Variants in DHX38 observed in about 807,000 individuals in gnomAD.
DHX38 encodes the protein pre-mRNA-splicing factor ATP-dependent RNA helicase PRP16.
DHX38 carries 100 observed loss-of-function variants against 153.1 expected under a neutral mutation model. The observed-to-expected ratio is 0.65, with a 90% CI of 0.56 to 0.77. DHX38 has a LOEUF of 0.77. Among genes scored for constraint, DHX38 ranks in the 30% least tolerant of loss-of-function variants. The probability of loss-of-function intolerance (pLI) is 0.00; values close to 1 mark genes in which losing one functional copy is unlikely to be tolerated. For missense variants in DHX38, 1,440 were observed against 1,654.0 expected (o/e 0.87, Z 2.24); for synonymous variants, 650 against 631.7 (o/e 1.03, Z -0.43).
At position 72,103,962 on chromosome 16, in the gene DHX38, G is replaced by A; in HGVS notation, c.1841G>A (p.Arg614His). ...GACCTCCAGGTGGGCTATGCCATCC[G>A]CTTTGAAGACTGCACTTCAGAGAAC... ...NLGEEVGYAI[R>H]FEDCTSENTL... Residue 614 changes from arginine to histidine, a missense_variant, in exon 14 of 27, where the codon CGC becomes CAC. This residue lies in a region of DHX38 where 21 missense variants were observed against 46.7 expected (regional missense o/e 0.45). Coordinates refer to ENST00000268482, the MANE Select transcript of DHX38 (RefSeq NM_014003.4). 1 of 1,614,112 alleles carries A rather than the reference G, an allele frequency of 6.2e-7. No individual in the cohort carries two copies. The highest frequency in any genetic ancestry group is 8.5e-7 in the Non-Finnish European group (1 of 1,179,998).
Position 72,099,779 on chromosome 16 carries a change from C to G in DHX38, c.1008C>G (p.Phe336Leu), listed in dbSNP as rs1170401397. 7 of 1,614,052 alleles carry G rather than the reference C, an allele frequency of 4.3e-6. No homozygotes were observed. Among genetic ancestry groups the G allele is most frequent in the Admixed American group, 1.7e-5 (1 of 60,002 alleles). Residue 336 changes from phenylalanine to leucine, a missense_variant, in exon 8 of 27, where the codon TTC (phenylalanine) becomes TTG (leucine). Physicochemically the swap from Phe to Leu is conservative, Grantham distance 22. Coordinates refer to ENST00000268482, the MANE Select transcript of DHX38 (RefSeq NM_014003.4). The stretch of plus-strand genomic sequence containing the variant: ...TGATGGACGAGGGCTATGACGAGTT[C>G]CACAACCCGCTGGCCTACTCCTCCG... The part of the protein sequence containing the change: ...WYMMDEGYDE[F>L]HNPLAYSSED...
chr16:72,111,882 T>A (rs893703158), intron 26 of DHX38, among the ~76,000 whole-genome samples: 1 of 152,198 alleles, frequency 6.6e-6, no homozygotes, highest in Non-Finnish European at 1.5e-5. Context: ...GAGGTGAGGC[T>A]GATAGCACGT....
intron 3 of DHX38, 165 bp downstream of exon 3, chr16:72,097,174 A>T (rs2042033190): frequency 1.5e-5 from 10 of 671,812 alleles, no homozygotes; most frequent in Non-Finnish European, 2.4e-5. Flanking sequence ...ATACTAGTTT[A>T]AGAAAAGAGC....
intron 11 of DHX38, among the ~76,000 whole-genome samples, chr16:72,102,156 T>C (rs9932062): frequency 0.5 from 75,638 of 152,122 alleles, 20,715 homozygotes; most frequent in African/African-American, 0.74. Flanking sequence ...ATCTGTCCCT[T>C]AAGATCCTCA....
chr16:72,110,841 G>C (rs1353144899), intron 25 of DHX38, 115 bp from the exon 26 acceptor site: 30 of 1,392,334 alleles, frequency 2.2e-5, no homozygotes, highest in Non-Finnish European at 2.9e-5. Flanking sequence ...CAGCCATGTG[G>C]AGCACTGGCC....
rs1354031965 is a variant in DHX38 at position 72,101,589 on chromosome 16, G to A, written c.1476G>A (p.Thr492=). The A allele has an allele frequency of 2.1e-5, 33 of 1,551,736 alleles. No homozygotes were observed. The highest frequency in any genetic ancestry group is 2.7e-5 in the African/African-American group (2 of 73,062). The change falls in exon 11 of 27, where the codon ACG becomes ACA. Residue 492 remains threonine, a synonymous_variant. Coordinates refer to ENST00000268482, the MANE Select transcript of DHX38 (RefSeq NM_014003.4). ...AGGAAGAGCCAGATAAAGCTGTGACGGAGGATGGGAAGGTGGACTACAGGT... is the reference window on the plus strand; with the variant it reads ...AGGAAGAGCCAGATAAAGCTGTGACAGAGGATGGGAAGGTGGACTACAGGT... ...KKEEEPDKAV[T]EDGKVDYRTE...
At chr16:72,102,702 T>C (rs765988167) in intron 11 of DHX38, among the ~76,000 whole-genome samples, 5 of 152,240 alleles carry the variant, frequency 3.3e-5, no homozygotes, top group Non-Finnish European at 5.9e-5. Context: ...TTTAGCCCTT[T>C]AGACGTTGTG....
rs1363593522 is a variant in DHX38, at chr16:72,107,765, T to C, written c.2930T>C (p.Met977Thr). 12 of 1,613,914 alleles carry C rather than the reference T, an allele frequency of 7.4e-6. No individual in the cohort carries two copies. Among genetic ancestry groups the C allele is most frequent in the Admixed American group, 1.7e-5 (1 of 59,996 alleles). ...CSSEILLIVS[M>T]LSVPAIFYRP... is the part of the protein sequence containing the mutation. ...TCCGAGATCCTGCTCATCGTTTCCA[T>C]GCTCTCGGTCCCAGCCATCTTCTAC... Residue 977 changes from methionine (M) to threonine (T), a missense_variant, in exon 21 of 27, where the codon ATG (methionine) becomes ACG (threonine). Coordinates refer to ENST00000268482, the MANE Select transcript of DHX38 (RefSeq NM_014003.4). The surrounding 1 kb of genome is among the most constrained non-coding windows in gnomAD (Gnocchi z 5.3).
At position 72,107,446 on chromosome 16, in the gene DHX38, G is replaced by T. The variant is rs896703184; in HGVS notation, c.2707G>T (p.Val903Leu). ...NVVLLLKSLGVQDLLQFHFMD... is the reference protein window; with the variant it reads ...NVVLLLKSLGLQDLLQFHFMD... ...GGTGCTGCTGCTCAAGTCCCTCGGG[G>T]TGCAGGACCTGCTGCAGTTCCACTT... Residue 903 changes from valine to leucine, a missense_variant, in exon 20 of 27, where the codon GTG (valine) becomes TTG (leucine). Around this residue, in one of 6 missense-constraint regions of DHX38, gnomAD observed 543 missense variants for 717.9 expected, o/e 0.76. Transcript: ENST00000268482. The surrounding 1 kb of genome is among the most constrained non-coding windows in gnomAD (Gnocchi z 5.3). The T allele has an allele frequency of 1.2e-6, 2 of 1,614,174 alleles. No homozygotes were observed. Among genetic ancestry groups the T allele is most frequent in the East Asian group, 2.2e-5 (1 of 44,872 alleles).
rs769608483 is a variant in DHX38, at chr16:72,105,093, C to T, written c.2218C>T (p.Pro740Ser). 5 of 1,614,188 alleles carry T rather than the reference C, an allele frequency of 3.1e-6. No homozygotes were observed. The highest frequency in any genetic ancestry group is 4.2e-6 in the Non-Finnish European group (5 of 1,180,038). The change falls in exon 16 of 27, where the codon CCT becomes TCT. Residue 740 changes from proline (P) to serine (S), a missense_variant. Coordinates refer to ENST00000268482, the MANE Select transcript of DHX38 (RefSeq NM_014003.4). ...CTTGCAGGTGCACCTGTCGGGGGCC[C>T]CTGGAGACATCCTTATCTTCATGCC... ...QSLQVHLSGAPGDILIFMPGQ... is the reference protein window; with the variant it reads ...QSLQVHLSGASGDILIFMPGQ...
intron 10 of DHX38, 96 bp downstream of exon 10, chr16:72,101,289 G>A: frequency 1.4e-6 from 2 of 1,388,474 alleles, no homozygotes; most frequent in Non-Finnish European, 2.0e-6. Context: ...TAGAAGTTAG[G>A]AGTCCCCTCT....
chr16:72,105,133 T>C lies in DHX38; in HGVS notation c.2258T>C (p.Ile753Thr), dbSNP rs760947148. The change falls in exon 16 of 27, where the codon ATT becomes ACT. Residue 753 changes from isoleucine to threonine, a missense_variant. Ile to Thr is a moderately conservative substitution (Grantham distance 89). Coordinates refer to ENST00000268482, the MANE Select transcript of DHX38 (RefSeq NM_014003.4). ...ATCTTCATGCCTGGCCAAGAGGACA[T>C]TGAGGTGCGTGCCTTGGTCACGACT... Reference protein sequence around the residue: ...ILIFMPGQEDIEVTSDQIVEH... With the variant: ...ILIFMPGQEDTEVTSDQIVEH... 9 of 1,614,012 alleles carry C rather than the reference T, an allele frequency of 5.6e-6. No homozygotes were observed. The highest frequency in any genetic ancestry group is 1.3e-5 in the African/African-American group (1 of 74,926).
chr16:72,109,670 C>G (rs2042232769), intron 25 of DHX38, 160 bp downstream of exon 25: 3 of 591,994 alleles, frequency 5.1e-6, no homozygotes, highest in South Asian at 5.5e-5. Flanking sequence ...TCCCCACCAC[C>G]CACTCCAGTT....
rs1225420901 is a variant in DHX38, at chr16:72,104,812, T to G, written c.2151+186T>G. Among the ~76,000 whole-genome samples, 1 of 152,084 alleles carries G rather than the reference T, an allele frequency of 6.6e-6. No individual in the cohort carries two copies. Among genetic ancestry groups the G allele is most frequent in the Non-Finnish European group, 1.5e-5 (1 of 68,010 alleles). On this transcript the variant is annotated intron_variant, in intron 15 of 26. Coordinates refer to ENST00000268482, the MANE Select transcript of DHX38 (RefSeq NM_014003.4). This position sits in a 1 kb window ranked among gnomAD's most constrained non-coding sequence, Gnocchi z 4.5. ...CAAAGGACTCTGCTCTGGGTGAGGT[T>G]TTGTTTCATTATTTCTTTGAGGCTG...
chr16:72,106,969 G>C (rs903893775), intron 19 of DHX38, among the ~76,000 whole-genome samples: 1 of 152,084 alleles, frequency 6.6e-6, no homozygotes, highest in Non-Finnish European at 1.5e-5. Context: ...AGGAGTTTGA[G>C]ACCACCATGG....
At chr16:72,111,842 A>C (rs1291973813) in intron 26 of DHX38, among the ~76,000 whole-genome samples, 1 of 152,150 alleles carries the variant, frequency 6.6e-6, no homozygotes, top group Non-Finnish European at 1.5e-5. Context: ...CATGTGGTAG[A>C]GCTCAGCCTC....
Position 72,096,895 on chromosome 16 carries a change from C to T in DHX38, c.397C>T (p.Arg133Trp), listed in dbSNP as rs774728184. 16 of 1,613,912 alleles carry T rather than the reference C, an allele frequency of 9.9e-6. No homozygotes were observed. The highest frequency in any genetic ancestry group is 5.0e-5 in the Admixed American group (3 of 60,002). The change falls in exon 3 of 27, where the codon CGG (arginine) becomes TGG (tryptophan). Residue 133 changes from arginine (R) to tryptophan (W), a missense_variant. This residue lies in a region of DHX38 where 483 missense variants were observed against 465.1 expected (regional missense o/e 1.04). Transcript: ENST00000268482. ...GAGCGAAGAGTTTTGGGAACGCAGT[C>T]GGCAGAGAGAGCGGGAGCGGCGGGA... ...GVSEEFWERS[R>W]QRERERREHG...
chr16:72,112,044 C>G, intron 26 of DHX38: 1 of 254,500 alleles, frequency 3.9e-6, no homozygotes, highest in South Asian at 8.0e-5. Context: ...GCAGACACTC[C>G]AGTCACTTGG....
At chr16:72,094,828 T>A (rs1159514322) in intron 1 of DHX38, among the ~76,000 whole-genome samples, 1 of 152,252 alleles carries the variant, frequency 6.6e-6, no homozygotes, top group African/African-American at 2.4e-5. Flanking sequence ...CAACAACACA[T>A]CCAGTGTTCT....
Sources: allele counts gnomAD v4.1 joint callset (sites outside exome capture counted in the v4.1 genomes callset), GRCh38; gene constraint gnomAD v4.1.1; regional missense constraint gnomAD v4.1.1; non-coding constraint Gnocchi (gnomAD v3.1); transcripts MANE v1.5; gene names NCBI Gene and HGNC (gene_info 2026-07-23, HGNC 2026-07-21).